Variants in ZPBP observed in about 807,000 individuals in gnomAD.
ZPBP encodes zona pellucida-binding protein 1.
In ZPBP, 26 loss-of-function variants were observed where a neutral mutation model predicts 44.8. The ratio of observed to expected loss-of-function variants is 0.58; its 90% confidence interval spans 0.43 to 0.81. The LOEUF (loss-of-function observed/expected upper bound fraction) is 0.81. ZPBP is among the 30% of genes least tolerant of loss of function. ZPBP has a pLI of 0.00. For missense variants in ZPBP, 409 were observed against 434.0 expected (o/e 0.94, Z 0.51); for synonymous variants, 174 against 153.2 (o/e 1.14, Z -1.00).
chr7:50,062,788 A>C (rs911646130), intron 3 of ZPBP, among the ~76,000 whole-genome samples: 2 of 150,842 alleles, frequency 1.3e-5, no homozygotes, highest in Admixed American at 1.3e-4. Flanking sequence ...CATTAAAAAA[A>C]TACCTTCTCT....
chr7:49,939,913 C>T (rs1217755102), intron 7 of ZPBP, among the ~76,000 whole-genome samples: 2 of 152,102 alleles, frequency 1.3e-5, no homozygotes, highest in African/African-American at 4.8e-5. Context: ...GCTGGAGTAT[C>T]TCCTATAACC....
At chr7:50,064,810 A>C (rs1000724086) in intron 3 of ZPBP, among the ~76,000 whole-genome samples, 33 of 152,170 alleles carry the variant, frequency 2.2e-4, no homozygotes, top group Non-Finnish European at 4.3e-4. Flanking sequence ...CAGTTAATGC[A>C]ATTATTACAG....
chr7:49,873,620 T>A (rs1791272983), intron 2 of ZPBP, among the ~76,000 whole-genome samples: 2 of 152,196 alleles, frequency 1.3e-5, no homozygotes, highest in African/African-American at 4.8e-5. Context: ...TTTGCCAGTA[T>A]ATTTTAGAAT....
At chr7:50,016,660 C>T (rs1366392999) in intron 6 of ZPBP, among the ~76,000 whole-genome samples, 1 of 152,160 alleles carries the variant, frequency 6.6e-6, no homozygotes, top group Non-Finnish European at 1.5e-5. Context: ...TACTCCTAAT[C>T]CCTATGCTTT....
At chr7:49,948,184 C>A (rs925193626) in intron 7 of ZPBP, among the ~76,000 whole-genome samples, 1 of 152,152 alleles carries the variant, frequency 6.6e-6, no homozygotes, top group African/African-American at 2.4e-5. Context: ...ACTTGTTGCT[C>A]TACTCCACAA....
chr7:49,900,743 G>A (rs569025769), intron 2 of ZPBP, among the ~76,000 whole-genome samples: 1 of 151,868 alleles, frequency 6.6e-6, no homozygotes, highest in Admixed American at 6.6e-5. Context: ...AGGAAGAACT[G>A]ATATCAATAT....
At chr7:49,864,351 T>C (rs1185316876) in intron 2 of ZPBP, among the ~76,000 whole-genome samples, 1 of 152,204 alleles carries the variant, frequency 6.6e-6, no homozygotes, top group Non-Finnish European at 1.5e-5. Context: ...CTTAACTGGA[T>C]TTCCCAGGAG....
intron 7 of ZPBP, among the ~76,000 whole-genome samples, chr7:49,949,391 A>G (rs1795234617): frequency 6.6e-6 from 1 of 152,150 alleles, no homozygotes; most frequent in Admixed American, 6.6e-5. Flanking sequence ...CCCAATGCCC[A>G]TCAGTGAATA....
intron 2 of ZPBP, among the ~76,000 whole-genome samples, chr7:49,861,474 T>C (rs575042135): frequency 6.6e-6 from 1 of 152,336 alleles, no homozygotes; most frequent in South Asian, 2.1e-4. Flanking sequence ...TATCCCATTA[T>C]GCAGGTGAGT....
chr7:49,871,954 CACA>C (rs1791174796), intron 2 of ZPBP, among the ~76,000 whole-genome samples: 4 of 65,888 alleles, frequency 6.1e-5, no homozygotes, highest in South Asian at 5.1e-4. Flanking sequence ...CACACACACA[CACA>C]CCGAGAAAGA....
intron 4 of ZPBP, among the ~76,000 whole-genome samples, chr7:50,046,401 G>A (rs1240443050): frequency 6.6e-6 from 1 of 151,052 alleles, no homozygotes; most frequent in Admixed American, 6.6e-5. Flanking sequence ...CTATCCATCT[G>A]ACAAAGGGCT....
chr7:49,955,556 CA>C (rs113518107), intron 7 of ZPBP, among the ~76,000 whole-genome samples: 2 of 140,180 alleles, frequency 1.4e-5, no homozygotes, highest in Non-Finnish European at 1.6e-5. Context: ...GACTCTGTCT[CA>C]AAAAAAAAAC....
chr7:50,080,150 A>G (rs1802288379), intron 3 of ZPBP, among the ~76,000 whole-genome samples: 1 of 151,714 alleles, frequency 6.6e-6, no homozygotes, highest in Admixed American at 6.6e-5. Flanking sequence ...ACTACAGTCC[A>G]AAAAGCTTCT....
At chr7:49,902,003 GAGAC>G (rs1792772006) in intron 1 of ZPBP, among the ~76,000 whole-genome samples, 1 of 147,072 alleles carries the variant, frequency 6.8e-6, no homozygotes, top group Non-Finnish European at 1.5e-5. Flanking sequence ...AATAAATCAA[GAGAC>G]AGACTTTACA....
intron 6 of ZPBP, among the ~76,000 whole-genome samples, chr7:49,999,756 C>A (rs1039281928): frequency 2.0e-5 from 3 of 152,088 alleles, no homozygotes; most frequent in African/African-American, 7.2e-5. Flanking sequence ...TGGTGCCCAC[C>A]CACATTAGTG....
At chr7:50,029,864 TG>T (rs1424974095) in intron 5 of ZPBP, among the ~76,000 whole-genome samples, 35 of 152,150 alleles carry the variant, frequency 2.3e-4, no homozygotes, top group African/African-American at 8.2e-4. Context: ...TTGTTGTTGT[TG>T]TTGTTCTTTT....
chr7:49,844,914 C>A, the ZPBP span, among the ~76,000 whole-genome samples: 3 of 152,184 alleles, frequency 2.0e-5, no homozygotes, highest in Non-Finnish European at 4.4e-5. Context: ...AACTCCTGAC[C>A]CCAGGTGATC....
intron 6 of ZPBP, among the ~76,000 whole-genome samples, chr7:49,985,987 G>A (rs1021735173): frequency 2.0e-5 from 3 of 152,056 alleles, no homozygotes; most frequent in East Asian, 1.9e-4. Flanking sequence ...TTTTCACTGA[G>A]AGCGTTCTTT....
intron 7 of ZPBP, among the ~76,000 whole-genome samples, chr7:49,973,218 C>T (rs866135315): frequency 4.6e-5 from 7 of 151,192 alleles, no homozygotes; most frequent in East Asian, 2.0e-4. Flanking sequence ...AAAATCTGGA[C>T]TTAACTCCAA....
Sources: allele counts gnomAD v4.1 joint callset (sites outside exome capture counted in the v4.1 genomes callset), GRCh38; gene constraint gnomAD v4.1.1; transcripts MANE v1.5; gene names NCBI Gene and HGNC (gene_info 2026-07-23, HGNC 2026-07-21).